Variants in PTPRO observed in about 807,000 individuals in gnomAD.
PTPRO encodes the protein protein tyrosine phosphatase receptor type O, also known as receptor-type tyrosine-protein phosphatase O.
A neutral mutation model predicts 145.2 loss-of-function variants in PTPRO; 62 were observed. That is an observed-to-expected ratio of 0.43 (90% CI 0.35 to 0.53). The LOEUF (loss-of-function observed/expected upper bound fraction) is 0.53, where lower values mean the gene tolerates loss of function less well. Among genes scored for constraint, PTPRO ranks in the 20% least tolerant of loss-of-function variants. The probability of loss-of-function intolerance (pLI) is 0.01; values close to 1 mark genes in which losing one functional copy is unlikely to be tolerated. For synonymous variants in PTPRO, 565 were observed against 514.7 expected, an observed-to-expected ratio of 1.10 and a Z score of -1.32; for missense variants, 1,345 against 1,482.7, an observed-to-expected ratio of 0.91 and a Z score of 1.53.
At chr12:15,528,360 C>CAA (rs577995184) in intron 12 of PTPRO, among the ~76,000 whole-genome samples, 4 of 124,580 alleles carry the variant, frequency 3.2e-5, no homozygotes, top group Admixed American at 8.0e-5. Flanking sequence ...AATAAAAATA[C>CAA]AAAAAAAAAA....
At chr12:15,595,331 C>A in intron 26 of PTPRO, 1 of 404,136 alleles carries the variant, frequency 2.5e-6, no homozygotes, top group Non-Finnish European at 4.7e-6. Context: ...ACCCAGAACC[C>A]TAAATTATTC....
At chr12:15,344,424 C>CA (rs1452933022) in intron 1 of PTPRO, among the ~76,000 whole-genome samples, 1 of 152,158 alleles carries the variant, frequency 6.6e-6, no homozygotes, top group Non-Finnish European at 1.5e-5. Flanking sequence ...TCATAAAACT[C>CA]AGATAAATGC....
chr12:15,341,176 C>T (rs1866969220), intron 1 of PTPRO, among the ~76,000 whole-genome samples: 1 of 152,150 alleles, frequency 6.6e-6, no homozygotes, highest in Non-Finnish European at 1.5e-5. Context: ...GGAAGAACAA[C>T]ATTAACTCTT....
Position 15,322,906 on chromosome 12 carries a change from C to A in PTPRO, c.75+105C>A. ...GCGGCGCGCCCCAGGGCACGATGGC[C>A]CAGCCGCGGGAAGCGCCTGCCGTGC... is the stretch of plus-strand genomic sequence containing the variant. On this transcript the variant is annotated intron_variant, in intron 1 of 26. Coordinates refer to ENST00000281171, the MANE Select transcript of PTPRO (RefSeq NM_030667.3). This position sits in a 1 kb window ranked among gnomAD's most constrained non-coding sequence, Gnocchi z 6.3. 2 of 1,172,106 alleles carry A rather than the reference C, an allele frequency of 1.7e-6. No homozygotes were observed. Among genetic ancestry groups the A allele is most frequent in the Non-Finnish European group, 2.4e-6 (2 of 829,544 alleles). 72.6% of individuals were successfully genotyped at this position (1,172,106 alleles called of 1,614,324 possible).
At chr12:15,337,986 G>A (rs576462993) in intron 1 of PTPRO, among the ~76,000 whole-genome samples, 1 of 152,268 alleles carries the variant, frequency 6.6e-6, no homozygotes, top group South Asian at 2.1e-4. Context: ...GATTGTGGTG[G>A]TAATTACATA....
chr12:15,590,613 C>T (rs905292134), intron 25 of PTPRO, among the ~76,000 whole-genome samples: 1 of 152,116 alleles, frequency 6.6e-6, no homozygotes, highest in Non-Finnish European at 1.5e-5. Context: ...CTTTTCTTTC[C>T]TCCTACCTCC....
chr12:15,344,958 G>A (rs748020475), intron 1 of PTPRO, among the ~76,000 whole-genome samples: 3 of 152,176 alleles, frequency 2.0e-5, no homozygotes, highest in Non-Finnish European at 2.9e-5. Context: ...ATGGCTCAGA[G>A]GAATTAAGTG....
chr12:15,359,422 CTTTT>C (rs771782428), intron 1 of PTPRO, among the ~76,000 whole-genome samples: 53 of 112,508 alleles, frequency 4.7e-4, no homozygotes, highest in Middle Eastern at 5.4e-3. Flanking sequence ...TTTCTCTTTC[CTTTT>C]TTTTTTTTTT....
intron 1 of PTPRO, among the ~76,000 whole-genome samples, chr12:15,342,158 A>G (rs1867015913): frequency 6.6e-6 from 1 of 152,188 alleles, no homozygotes; most frequent in African/African-American, 2.4e-5. Context: ...AGTTTGCCAT[A>G]CCCAAGTGCA....
chr12:15,511,815 C>T (rs1028475620), intron 7 of PTPRO, among the ~76,000 whole-genome samples: 1 of 152,148 alleles, frequency 6.6e-6, no homozygotes, highest in African/African-American at 2.4e-5. Context: ...CTGCCCACCT[C>T]GGCCTTCCAA....
chr12:15,450,530 T>C (rs1382150918), intron 1 of PTPRO, among the ~76,000 whole-genome samples: 1 of 152,128 alleles, frequency 6.6e-6, no homozygotes, highest in Admixed American at 6.5e-5. Flanking sequence ...TCCCAGCACG[T>C]TGGGAGGCCA....
In PTPRO at chr12:15,487,387, G is replaced by A. The variant is rs151103385; in HGVS notation, c.349+3140G>A. The stretch of plus-strand genomic sequence containing the variant: ...GTTTCTGCTCCTCTCCCAGGAACAG[G>A]CGTCTTTTGTTTCTATTCATCCTTC... On this transcript the variant is annotated intron_variant, in intron 2 of 26. Transcript: ENST00000281171. Among the ~76,000 whole-genome samples, 1,028 of 152,208 alleles carry A rather than the reference G, an allele frequency of 6.8e-3. 15 individuals carry two copies. Among genetic ancestry groups the A allele is most frequent in the African/African-American group, 0.023 (972 of 41,528 alleles).
chr12:15,460,219 T>C (rs253806), intron 1 of PTPRO, among the ~76,000 whole-genome samples: 139,993 of 152,176 alleles, frequency 0.92, 65,181 homozygotes, highest in Non-Finnish European at 0.99. Context: ...GAAATAAAAC[T>C]TTTGAAAACT....
chr12:15,476,242 T>C (rs1314618134), intron 1 of PTPRO, among the ~76,000 whole-genome samples: 1 of 152,114 alleles, frequency 6.6e-6, no homozygotes, highest in Non-Finnish European at 1.5e-5. Flanking sequence ...AGGCAGGAGA[T>C]GTTGAGGCCA....
At chr12:15,508,478 G>A in intron 6 of PTPRO, 93 bp from the exon 7 acceptor site, 1 of 1,321,746 alleles carries the variant, frequency 7.6e-7, no homozygotes, top group Non-Finnish European at 1.1e-6. Context: ...TCATTGTAAG[G>A]GCAAAAAGAA....
chr12:15,514,924 G>GGCTAA (rs1942545005), intron 7 of PTPRO, among the ~76,000 whole-genome samples: 1 of 151,744 alleles, frequency 6.6e-6, no homozygotes, highest in Non-Finnish European at 1.5e-5. Flanking sequence ...CACCATGCCT[G>GGCTAA]GCTAATTTTC....
At chr12:15,493,645 G>A (rs1037805783) in intron 2 of PTPRO, among the ~76,000 whole-genome samples, 1 of 152,092 alleles carries the variant, frequency 6.6e-6, no homozygotes, top group Non-Finnish European at 1.5e-5. Flanking sequence ...TGATATCAGC[G>A]AAAGTTGGAA....
intron 1 of PTPRO, among the ~76,000 whole-genome samples, chr12:15,400,420 T>C (rs1030072078): frequency 6.6e-6 from 1 of 152,192 alleles, no homozygotes; most frequent in South Asian, 2.1e-4. Flanking sequence ...CTTTAGTCAA[T>C]CTCACCGTCA....
intron 1 of PTPRO, among the ~76,000 whole-genome samples, chr12:15,468,282 A>G (rs1391332363): frequency 6.6e-6 from 1 of 152,178 alleles, no homozygotes; most frequent in African/African-American, 2.4e-5. Flanking sequence ...TGCTTCTATT[A>G]CAGAAGGTAA....
Sources: allele counts gnomAD v4.1 joint callset (sites outside exome capture counted in the v4.1 genomes callset), GRCh38; gene constraint gnomAD v4.1.1; non-coding constraint Gnocchi (gnomAD v3.1); transcripts MANE v1.5; gene names NCBI Gene and HGNC (gene_info 2026-07-23, HGNC 2026-07-21).